Variants in NREP observed in about 807,000 individuals in gnomAD.
NREP encodes neuronal regeneration related protein, also known as neuronal regeneration-related protein.
Under a neutral mutation model 8.6 loss-of-function variants are expected in NREP, and 5 were observed. The observed-to-expected ratio is 0.58, with a 90% CI of 0.30 to 1.22. The LOEUF (loss-of-function observed/expected upper bound fraction) is 1.22. Ranked by LOEUF, NREP falls within the 50% of genes most tolerant of loss-of-function variation. The pLI is 0.07. For missense variants in NREP, 86 were observed against 82.5 expected (o/e 1.04, Z -0.17); for synonymous variants, 27 against 28.0 (o/e 0.96, Z 0.11).
exon 2 of NREP, chr5:111,975,357 G>T: frequency 6.4e-7 from 1 of 1,551,586 alleles, no homozygotes; most frequent in Non-Finnish European, 8.7e-7. Context: ...CTCTGGGTTC[G>T]TGTTTCATCT....
intron 2 of NREP, among the ~76,000 whole-genome samples, chr5:111,950,779 T>C (rs1474197754): frequency 6.6e-6 from 1 of 151,540 alleles, no homozygotes; most frequent in Non-Finnish European, 1.5e-5. Flanking sequence ...AAGACATTTC[T>C]GTGGCCAAAA....
chr5:111,895,045 C>G (rs1391815531), intron 2 of NREP, among the ~76,000 whole-genome samples: 1 of 152,220 alleles, frequency 6.6e-6, no homozygotes, highest in African/African-American at 2.4e-5. Context: ...CCTTTCAAAG[C>G]AGCTTTATGC....
In NREP at chr5:111,734,647, G is replaced by GT. The variant is rs548566412; in HGVS notation, c.81+782dup. 488 of 641,004 alleles carry GT rather than the reference G, an allele frequency of 7.6e-4. 1 individual carries two copies. In the African/African-American group the frequency reaches 7.9e-3, roughly 10 times the overall value. 39.7% of individuals were successfully genotyped at this position (641,004 alleles called of 1,614,324 possible). A position where few individuals can be genotyped will look rare whatever the true frequency, so the allele number is the denominator to read the frequency against. On this transcript the variant is annotated intron_variant, in intron 3 of 3. Coordinates refer to ENST00000257435, the MANE Select transcript of NREP (RefSeq NM_004772.4). ...TAATTTCTTAAACATTGAAATACCAGTAACAGCTGGGGGAGGACTCACCGT... is the reference window on the plus strand; with the variant it reads ...TAATTTCTTAAACATTGAAATACCAGTTAACAGCTGGGGGAGGACTCACCGT...
At chr5:111,866,820 AAAT>A in intron 2 of NREP, among the ~76,000 whole-genome samples, 1 of 152,192 alleles carries the variant, frequency 6.6e-6, no homozygotes, top group South Asian at 2.1e-4. Flanking sequence ...CAGCCATAAA[AAAT>A]GATGAGTTCA....
chr5:111,959,514 G>C lies in NREP; in HGVS notation c.135+15760C>G, dbSNP rs533479042. Among the ~76,000 whole-genome samples the C allele has an allele frequency of 1.9e-3, 288 of 152,078 alleles. 1 individual carries two copies. The highest frequency in any genetic ancestry group is 6.5e-3 in the African/African-American group (269 of 41,550). On this transcript the variant is annotated intron_variant, in intron 2 of 3. Coordinates refer to the NREP transcript ENST00000395634. ...TAAACATGATTAAAAGGCAAACACAGCATTGAAGAGCGTTTAGATTAGATA... is the reference window on the plus strand; with the variant it reads ...TAAACATGATTAAAAGGCAAACACACCATTGAAGAGCGTTTAGATTAGATA...
intron 2 of NREP, among the ~76,000 whole-genome samples, chr5:111,770,538 A>G (rs1751192311): frequency 6.7e-6 from 1 of 148,862 alleles, no homozygotes; most frequent in Non-Finnish European, 1.5e-5. Context: ...ATTATTTGGT[A>G]AAGAAGAATT....
At chr5:111,863,930 A>C (rs116798715) in intron 2 of NREP, among the ~76,000 whole-genome samples, 3 of 152,124 alleles carry the variant, frequency 2.0e-5, no homozygotes, top group Non-Finnish European at 4.4e-5. Flanking sequence ...TCCAAGATAT[A>C]TGGAGTCTTA....
chr5:111,828,136 T>C (rs1165345739), intron 2 of NREP, among the ~76,000 whole-genome samples: 1 of 151,994 alleles, frequency 6.6e-6, no homozygotes, highest in East Asian at 1.9e-4. Context: ...GTTCAAGCGA[T>C]TCTTCTGCCT....
intron 2 of NREP, among the ~76,000 whole-genome samples, chr5:111,784,157 A>G (rs1332084783): frequency 6.6e-6 from 1 of 152,158 alleles, no homozygotes; most frequent in Non-Finnish European, 1.5e-5. Flanking sequence ...GGGGCTTTTG[A>G]TGTTATCCTC....
At chr5:111,825,606 A>G (rs1752604299) in intron 2 of NREP, among the ~76,000 whole-genome samples, 1 of 152,212 alleles carries the variant, frequency 6.6e-6, no homozygotes, top group African/African-American at 2.4e-5. Flanking sequence ...CTGGAATGCA[A>G]GAAAATCAGA....
At chr5:111,967,167 A>T (rs1756665792) in intron 2 of NREP, among the ~76,000 whole-genome samples, 1 of 152,190 alleles carries the variant, frequency 6.6e-6, no homozygotes, top group Non-Finnish European at 1.5e-5. Flanking sequence ...ATACTCCAAC[A>T]GTGCTAGATT....
chr5:111,894,550 A>C (rs1201335923), intron 2 of NREP, among the ~76,000 whole-genome samples: 4 of 152,072 alleles, frequency 2.6e-5, no homozygotes. Flanking sequence ...CTCGAGTCAA[A>C]CCAAATGGAA....
intron 1 of NREP, chr5:111,756,308 A>AAG: frequency 1.3e-6 from 1 of 781,208 alleles, no homozygotes; most frequent in Non-Finnish European, 1.5e-6. Flanking sequence ...AAAAAAAAAA[A>AAG]AAAACCCTAC....
At chr5:111,888,220 C>A (rs1754308280) in intron 2 of NREP, among the ~76,000 whole-genome samples, 1 of 152,064 alleles carries the variant, frequency 6.6e-6, no homozygotes, top group African/African-American at 2.4e-5. Flanking sequence ...TAGTAAGATG[C>A]AATATTTTAT....
At chr5:111,913,185 G>C (rs1355659224) in intron 2 of NREP, among the ~76,000 whole-genome samples, 1 of 152,064 alleles carries the variant, frequency 6.6e-6, no homozygotes, top group Non-Finnish European at 1.5e-5. Flanking sequence ...GTAATTTGTA[G>C]AAGATTTCTT....
chr5:111,916,828 G>A (rs1190587735), intron 2 of NREP, among the ~76,000 whole-genome samples: 2 of 152,086 alleles, frequency 1.3e-5, no homozygotes, highest in Non-Finnish European at 2.9e-5. Context: ...AAATCCATAT[G>A]GGTATGCAGC....
At chr5:111,786,032 C>T (rs539735088) in intron 2 of NREP, among the ~76,000 whole-genome samples, 18 of 152,270 alleles carry the variant, frequency 1.2e-4, no homozygotes, top group Non-Finnish European at 1.9e-4. Context: ...CCACATTGTC[C>T]GATTTCCTCA....
At chr5:111,736,788 G>C (rs1210327080) in intron 2 of NREP, among the ~76,000 whole-genome samples, 1 of 152,116 alleles carries the variant, frequency 6.6e-6, no homozygotes, top group East Asian at 1.9e-4. Flanking sequence ...AATAATATTG[G>C]TCTTATCATT....
intron 2 of NREP, among the ~76,000 whole-genome samples, chr5:111,806,303 A>G (rs146057496): frequency 3.7e-4 from 56 of 152,222 alleles, no homozygotes; most frequent in Non-Finnish European, 4.9e-4. Flanking sequence ...CACAGGCTTG[A>G]TAACAATTTA....
Sources: gnomAD v4.1 joint callset for allele counts (sites outside exome capture counted in the v4.1 genomes callset) on GRCh38, gnomAD v4.1.1 for gene constraint, MANE v1.5 for transcripts, NCBI Gene and HGNC (gene_info 2026-07-23, HGNC 2026-07-21) for gene names.